Variants in OR14J1 observed in about 807,000 individuals in gnomAD.
The protein encoded by OR14J1 is olfactory receptor family 14 subfamily J member 1, also known as olfactory receptor 14J1.
For synonymous variants in OR14J1, 140 were observed against 146.7 expected (o/e 0.95, Z 0.33); for missense variants, 378 against 393.4 (o/e 0.96, Z 0.33).
At position 29,306,770 on chromosome 6, in the gene OR14J1, G is replaced by T. The variant is rs1447728749; in HGVS notation, c.81G>T (p.Leu27Phe). The T allele has an allele frequency of 6.2e-7, 1 of 1,612,950 alleles. No homozygotes were observed. ...GTAAGCTTCAGATTTTACATGCATT[G>T]GTATTTCTGGTGACATACCTGCTGG... ...DERKLQILHA[L>F]VFLVTYLLAL... is the part of the protein sequence containing the mutation. Residue 27 changes from leucine to phenylalanine, a missense_variant, in exon 2 of 2, where the codon TTG (leucine) becomes TTT (phenylalanine). Leu to Phe is a conservative substitution (Grantham distance 22, BLOSUM62 0). Coordinates refer to ENST00000641895, the MANE Select transcript of OR14J1 (RefSeq NM_030946.2).
rs1775181247 is a variant in OR14J1, at chr6:29,307,375, C to A, written c.686C>A (p.Ala229Asp). 1 of 1,612,988 alleles carries A rather than the reference C, an allele frequency of 6.2e-7. No homozygotes were observed. The highest frequency in any genetic ancestry group is 8.5e-7 in the Non-Finnish European group (1 of 1,180,046). ...TCTACAGTGCTGAGAATCCCATCAG[C>A]TGAGGGCCGGACCAAGGTCTTCTCC... is the stretch of plus-strand genomic sequence containing the variant. ...IFSTVLRIPS[A>D]EGRTKVFSTC... The change falls in exon 2 of 2, where the codon GCT (alanine) becomes GAT (aspartate). Residue 229 changes from alanine (A) to aspartate (D), a missense_variant. By Grantham distance (126) the Ala-to-Asp change is moderately radical. Transcript: ENST00000641895.
At chr6:29,306,065 C>A (rs185086830) in intron 1 of OR14J1, among the ~76,000 whole-genome samples, 79 of 152,292 alleles carry the variant, frequency 5.2e-4, no homozygotes, top group Admixed American at 5.2e-4. Context: ...TCAGTGGCAT[C>A]TGCATTTTAC....
In OR14J1 at chr6:29,306,997, T is replaced by C. The variant is rs746541758; in HGVS notation, c.308T>C (p.Ile103Thr). ...VQCILQVFFFIALASSEVAIL... is the reference protein window; with the variant it reads ...VQCILQVFFFTALASSEVAIL... ...TGCATTCTTCAGGTTTTCTTCTTCATAGCTCTGGCCTCATCAGAAGTGGCC... is the reference window on the plus strand; with the variant it reads ...TGCATTCTTCAGGTTTTCTTCTTCACAGCTCTGGCCTCATCAGAAGTGGCC... The change falls in exon 2 of 2, where the codon ATA becomes ACA. Residue 103 changes from isoleucine (I) to threonine (T), a missense_variant. Transcript: ENST00000641895. 3 of 1,613,102 alleles carry C rather than the reference T, an allele frequency of 1.9e-6. No homozygotes were observed. Among genetic ancestry groups the C allele is most frequent in the Non-Finnish European group, 2.5e-6 (3 of 1,180,032 alleles).
chr6:29,310,120 G>A lies in OR14J1; in HGVS notation c.*2465G>A. On this transcript the variant is annotated 3_prime_UTR_variant, in exon 2 of 2. Coordinates refer to ENST00000641895, the MANE Select transcript of OR14J1 (RefSeq NM_030946.2). ...GTGCAGAAGCTCTTTAGTTTAATTT[G>A]ATCCCATTTGTCAATTTTGGCTTTT... The A allele has an allele frequency of 6.6e-6, 1 of 152,124 alleles. No homozygotes were observed. The highest frequency in any genetic ancestry group is 2.1e-4 in the South Asian group (1 of 4,824). The allele number at this position is 152,124 out of a possible 1,614,324, so 9.4% of individuals were successfully genotyped here.
At chr6:29,306,037 A>G (rs1264620579) in intron 1 of OR14J1, among the ~76,000 whole-genome samples, 1 of 152,244 alleles carries the variant, frequency 6.6e-6, no homozygotes, top group East Asian at 1.9e-4. Flanking sequence ...TCCAAAGCTC[A>G]GGATTCAATG....
chr6:29,306,626 G>C, intron 1 of OR14J1, 36 bp from the exon 2 acceptor site: 2 of 927,178 alleles, frequency 2.2e-6, no homozygotes, highest in Non-Finnish European at 1.7e-6. Context: ...TAGATGTCAT[G>C]CATTTTCTTC....
chr6:29,306,869 T>C lies in OR14J1; in HGVS notation c.180T>C (p.Phe60=). 6.2e-7 allele frequency: 1 copy of C among 1,613,120 alleles called. No individual in the cohort carries two copies. Among genetic ancestry groups the C allele is most frequent in the Non-Finnish European group, 8.5e-7 (1 of 1,180,026 alleles). ...DRRLHSPMYY[F]LKHLSLLDLC... is the part of the protein sequence containing the mutation. The stretch of plus-strand genomic sequence containing the variant: ...GTCTCCATTCCCCCATGTATTACTT[T>C]TTAAAGCACCTCTCTCTTCTGGACC... Residue 60 remains phenylalanine (F), a synonymous_variant, in exon 2 of 2, where the codon TTT becomes TTC. Transcript: ENST00000641895.
At chr6:29,302,899 T>C (rs866664111) in intron 1 of OR14J1, among the ~76,000 whole-genome samples, 5 of 128,452 alleles carry the variant, frequency 3.9e-5, no homozygotes, top group African/African-American at 1.5e-4. Context: ...CAAGATGTAA[T>C]AACTACAACA....
rs1322609718 is a variant in OR14J1 at position 29,312,558 on chromosome 6, C to T, written c.*4903C>T. The T allele has an allele frequency of 6.5e-6, 1 of 153,148 alleles. No individual in the cohort carries two copies. Among genetic ancestry groups the T allele is most frequent in the Admixed American group, 6.5e-5 (1 of 15,292 alleles). The allele number at this position is 153,148 out of a possible 1,614,324, so 9.5% of individuals were successfully genotyped here. On this transcript the variant is annotated 3_prime_UTR_variant, in exon 2 of 2. Transcript: ENST00000641895. ...CGGCTAGCCCTCCCTGGGCTGCACC[C>T]ACTGTCTAACCAGTCCCTGTGAGAT...
rs1459261640 is a variant in OR14J1, at chr6:29,312,105, C to G, written c.*4450C>G. ...AATTTTTTTGTGTGTGTCTCTATCT[C>G]CTTCATTTCTGCTCTGATCTTAGTT... On this transcript the variant is annotated 3_prime_UTR_variant, in exon 2 of 2. Transcript: ENST00000641895. The G allele has an allele frequency of 6.6e-6, 1 of 151,590 alleles. No individual in the cohort carries two copies. Among genetic ancestry groups the G allele is most frequent in the Admixed American group, 6.6e-5 (1 of 15,198 alleles). The allele number at this position is 151,590 out of a possible 1,614,324, so 9.4% of individuals were successfully genotyped here.
chr6:29,307,829 C>T lies in OR14J1; in HGVS notation c.*174C>T. On this transcript the variant is annotated 3_prime_UTR_variant, in exon 2 of 2. Transcript: ENST00000641895. The stretch of plus-strand genomic sequence containing the variant: ...TAATATTAGCTTTCCTTCCTCCCTC[C>T]AATTCAAGTGTTATTTTAAGTCATC... 2 of 493,948 alleles carry T rather than the reference C, an allele frequency of 4.0e-6. No individual in the cohort carries two copies. The highest frequency in any genetic ancestry group is 7.0e-6 in the Non-Finnish European group (2 of 286,332). The allele number at this position is 493,948 out of a possible 1,614,324, so 30.6% of individuals were successfully genotyped here.
rs1775163328 is a variant in OR14J1 at position 29,307,211 on chromosome 6, ATTC to A, written c.527_529del (p.Phe176del). 6.2e-7 allele frequency: 1 copy of A among 1,612,840 alleles called. No individual in the cohort carries two copies. The highest frequency in any genetic ancestry group is 1.7e-5 in the Admixed American group (1 of 59,990). On this transcript the variant is annotated inframe_deletion, in exon 2 of 2. Coordinates refer to ENST00000641895, the MANE Select transcript of OR14J1 (RefSeq NM_030946.2). ...TCTGTGGGAAGAGAGTCATTCACCA[ATTC>A]TTCTGTGATGTTCCTCAGATGCTGA...
chr6:29,307,149 G>A lies in OR14J1; in HGVS notation c.460G>A (p.Gly154Arg). Reference protein sequence around the residue: ...IAVWIAGGLSGLMHAAINFSI... With the variant: ...IAVWIAGGLSRLMHAAINFSI... ...TGTGTGGATTGCTGGGGGCCTCTCT[G>A]GGCTCATGCATGCTGCCATTAACTT... Residue 154 changes from glycine (G) to arginine (R), a missense_variant, in exon 2 of 2, where the codon GGG (glycine) becomes AGG (arginine). Coordinates refer to ENST00000641895, the MANE Select transcript of OR14J1 (RefSeq NM_030946.2). The A allele has an allele frequency of 6.2e-7, 1 of 1,612,844 alleles. No homozygotes were observed. Among genetic ancestry groups the A allele is most frequent in the Non-Finnish European group, 8.5e-7 (1 of 1,179,976 alleles).
rs1367449945 is a variant in OR14J1, at chr6:29,307,283, T to G, written c.594T>G (p.Ala198=). The part of the protein sequence containing the change: ...SYEFINEIAL[A]AFTTSAAFIC... ...AATTCATTAATGAGATTGCACTGGC[T>G]GCATTCACAACGTCTGCAGCATTTA... is the stretch of plus-strand genomic sequence containing the variant. Residue 198 remains alanine (A), a synonymous_variant, in exon 2 of 2, where the codon GCT becomes GCG. Transcript: ENST00000641895. 2.5e-6 allele frequency: 4 copies of G among 1,612,932 alleles called. No homozygotes were observed. In the Admixed American group the frequency reaches 6.7e-5, roughly 27 times the overall value.
Position 29,306,697 on chromosome 6 carries a change from A to G in OR14J1, c.8A>G (p.Asn3Ser), listed in dbSNP as rs751095362. 5.6e-6 allele frequency: 9 copies of G among 1,609,126 alleles called. No homozygotes were observed. The South Asian group carries it at 6.6e-5, about 12-fold the overall frequency. Residue 3 changes from asparagine to serine, a missense_variant, in exon 2 of 2, where the codon AAT becomes AGT. By Grantham distance (46) the Asn-to-Ser change is conservative (BLOSUM62 1). Transcript: ENST00000641895. MV[N>S]LTSMSGFLLM... Reference sequence around the variant, plus strand: ...GGTATCTTCAGAGAGACTATGGTCAATTTGACTTCAATGAGTGGATTCCTT... The same window carrying G: ...GGTATCTTCAGAGAGACTATGGTCAGTTTGACTTCAATGAGTGGATTCCTT...
At position 29,307,257 on chromosome 6, in the gene OR14J1, G is replaced by T. The variant is rs757788186; in HGVS notation, c.568G>T (p.Glu190Ter). ...PQMLKLACSY[E>*]FINEIALAAF... is the part of the protein sequence containing the mutation. The stretch of plus-strand genomic sequence containing the variant: ...GATGCTGAAACTAGCCTGTTCTTAT[G>T]AATTCATTAATGAGATTGCACTGGC... The change falls in exon 2 of 2, where the codon GAA (glutamate) becomes TAA (stop). Residue 190 changes from glutamate to a stop codon, truncating the protein, a stop_gained. Coordinates refer to ENST00000641895, the MANE Select transcript of OR14J1 (RefSeq NM_030946.2). LOFTEE classifies it low-confidence loss of function (END_TRUNC). 1.2e-6 allele frequency: 2 copies of T among 1,612,874 alleles called. No individual in the cohort carries two copies. The highest frequency in any genetic ancestry group is 1.7e-6 in the Non-Finnish European group (2 of 1,179,960).
intron 1 of OR14J1, among the ~76,000 whole-genome samples, chr6:29,304,226 T>G (rs1025550690): frequency 1.3e-5 from 2 of 152,084 alleles, no homozygotes; most frequent in African/African-American, 4.8e-5. Flanking sequence ...TGGAATGAAT[T>G]AGAGTTTACC....
At position 29,306,648 on chromosome 6, in the gene OR14J1, G is replaced by T; in HGVS notation, c.-28-14G>T. ...CATGCATTTTCTTCCTACTGTCTTT[G>T]GCTTCCTAAACAGAGTCACACTTGG... On this transcript the variant is annotated splice_polypyrimidine_tract_variant and intron_variant, in intron 1 of 1. Coordinates refer to ENST00000641895, the MANE Select transcript of OR14J1 (RefSeq NM_030946.2). 2 of 1,287,624 alleles carry T rather than the reference G, an allele frequency of 1.6e-6. No individual in the cohort carries two copies. The highest frequency in any genetic ancestry group is 1.3e-5 in the South Asian group (1 of 78,356). 79.8% of individuals were successfully genotyped at this position (1,287,624 alleles called of 1,614,324 possible).
At position 29,307,823 on chromosome 6, in the gene OR14J1, T is replaced by A. The variant is rs1775225785; in HGVS notation, c.*168T>A. The A allele has an allele frequency of 4.0e-6, 2 of 494,220 alleles. No individual in the cohort carries two copies. Among genetic ancestry groups the A allele is most frequent in the Admixed American group, 7.5e-5 (2 of 26,762 alleles). The allele number at this position is 494,220 out of a possible 1,614,324, so 30.6% of individuals were successfully genotyped here. A position where few individuals can be genotyped will look rare whatever the true frequency, so the allele number is the denominator to read the frequency against. ...CTCTAATAATATTAGCTTTCCTTCC[T>A]CCCTCCAATTCAAGTGTTATTTTAA... On this transcript the variant is annotated 3_prime_UTR_variant, in exon 2 of 2. Coordinates refer to ENST00000641895, the MANE Select transcript of OR14J1 (RefSeq NM_030946.2).
Sources: gnomAD v4.1 joint callset for allele counts (sites outside exome capture counted in the v4.1 genomes callset) on GRCh38, gnomAD v4.1.1 for gene constraint, MANE v1.5 for transcripts, NCBI Gene and HGNC (gene_info 2026-07-23, HGNC 2026-07-21) for gene names.